The following TRANK1 variants were observed in gnomAD, a reference collection of about 807,000 sequenced individuals.
TRANK1 encodes the protein tetratricopeptide repeat and ankyrin repeat containing 1.
In TRANK1, 198 loss-of-function variants were observed where a neutral mutation model predicts 266.0. The observed-to-expected ratio is 0.74, with a 90% CI of 0.66 to 0.84. The LOEUF (loss-of-function observed/expected upper bound fraction) is 0.84, where lower values mean the gene tolerates loss of function less well. TRANK1 is among the 40% of genes least tolerant of loss of function. TRANK1 has a pLI of 0.00. For synonymous variants in TRANK1, 1,396 were observed against 1,384.1 expected, an observed-to-expected ratio of 1.01 and a Z score of -0.19; for missense variants, 3,326 against 3,634.6, an observed-to-expected ratio of 0.92 and a Z score of 2.18.
At chr3:36,829,543 C>G in intron 23 of TRANK1, 21 bp downstream of exon 23, 9 of 1,613,132 alleles carry the variant, frequency 5.6e-6, no homozygotes, top group Non-Finnish European at 7.6e-6. Flanking sequence ...GTTACCTGTC[C>G]CCACAATCAA....
intron 1 of TRANK1, among the ~76,000 whole-genome samples, chr3:36,934,239 A>G (rs974254381): frequency 6.6e-6 from 1 of 152,218 alleles, no homozygotes; most frequent in Non-Finnish European, 1.5e-5. Flanking sequence ...AGGAGGCTCC[A>G]GAGGGTTGCA....
chr3:36,869,391 A>C (rs2079273104), intron 9 of TRANK1, among the ~76,000 whole-genome samples: 2 of 152,256 alleles, frequency 1.3e-5, no homozygotes, highest in Non-Finnish European at 2.9e-5. Flanking sequence ...AGGAAGAGTC[A>C]AGGGAGAAAG....
rs75719820 is a variant in TRANK1, at chr3:36,934,992, G to A, written c.23+9795C>T. Among the ~76,000 whole-genome samples, 1,133 of 152,182 alleles carry A rather than the reference G, an allele frequency of 7.4e-3. 40 individuals are homozygous for A. The East Asian group carries it at 0.084, about 11-fold the overall frequency. ...GCCCACCCTCACCCAGCTCCAGCATGGCCTCTTCACCACAATCTGTAAGAC... is the reference window on the plus strand; with the variant it reads ...GCCCACCCTCACCCAGCTCCAGCATAGCCTCTTCACCACAATCTGTAAGAC... On this transcript the variant is annotated intron_variant, in intron 1 of 23. Coordinates refer to ENST00000645898, the MANE Select transcript of TRANK1 (RefSeq NM_001329998.2).
At chr3:36,925,929 G>T (rs1042849843) in intron 1 of TRANK1, among the ~76,000 whole-genome samples, 3 of 152,138 alleles carry the variant, frequency 2.0e-5, no homozygotes, top group African/African-American at 7.2e-5. Flanking sequence ...CAGTTCTACT[G>T]CAGGCTCTCA....
chr3:36,846,432 A>G (rs1172061060), intron 16 of TRANK1, 28 bp from the exon 17 acceptor site: 1 of 1,595,758 alleles, frequency 6.3e-7, no homozygotes, highest in African/African-American at 1.3e-5. Flanking sequence ...GACAAAGATG[A>G]TGAGCCATTT....
chr3:36,861,243 T>C, intron 10 of TRANK1, 83 bp from the exon 11 acceptor site: 3 of 1,437,036 alleles, frequency 2.1e-6, no homozygotes, highest in Middle Eastern at 2.1e-4. Flanking sequence ...AACATCCATA[T>C]ATAATTAACA....
chr3:36,869,835 C>T (rs2079280093), intron 9 of TRANK1, among the ~76,000 whole-genome samples: 1 of 152,262 alleles, frequency 6.6e-6, no homozygotes, highest in Non-Finnish European at 1.5e-5. Context: ...GCTCAACAGT[C>T]ACATGTGACG....
intron 2 of TRANK1, among the ~76,000 whole-genome samples, chr3:36,904,662 G>T (rs1210528377): frequency 6.6e-6 from 1 of 152,006 alleles, no homozygotes. Flanking sequence ...CCCCACCCTC[G>T]ATGTTTTGTG....
intron 9 of TRANK1, among the ~76,000 whole-genome samples, chr3:36,867,921 A>T (rs1285569902): frequency 6.6e-6 from 1 of 152,156 alleles, no homozygotes; most frequent in Non-Finnish European, 1.5e-5. Context: ...CTTTGCATGG[A>T]TTTTCTCTAA....
intron 9 of TRANK1, among the ~76,000 whole-genome samples, chr3:36,869,017 A>T (rs1575230503): frequency 6.6e-6 from 1 of 152,350 alleles, no homozygotes; most frequent in Non-Finnish European, 1.5e-5. Context: ...GCTGAGCAGC[A>T]ACATCAGGTA....
chr3:36,885,350 TGATA>T (rs774234674), intron 8 of TRANK1, among the ~76,000 whole-genome samples: 1 of 152,094 alleles, frequency 6.6e-6, no homozygotes, highest in Non-Finnish European at 1.5e-5. Flanking sequence ...AAACCAAAAT[TGATA>T]GATAGTCTAC....
chr3:36,938,048 G>T (rs749283257), intron 1 of TRANK1, among the ~76,000 whole-genome samples: 3 of 152,162 alleles, frequency 2.0e-5, no homozygotes, highest in Non-Finnish European at 1.5e-5. Context: ...AAACCCAGCA[G>T]AGAGGTGAAA....
At chr3:36,886,667 C>G (rs1017476021) in intron 8 of TRANK1, among the ~76,000 whole-genome samples, 2 of 151,854 alleles carry the variant, frequency 1.3e-5, no homozygotes, top group Non-Finnish European at 2.9e-5. Context: ...AATCCCAGCA[C>G]TTTGGGAGGC....
intron 9 of TRANK1, 46 bp from the exon 10 acceptor site, chr3:36,864,526 C>T (rs1248589405): frequency 6.8e-7 from 1 of 1,479,764 alleles, no homozygotes; most frequent in African/African-American, 1.4e-5. Flanking sequence ...GAAATTGCAG[C>T]TGTTACAGAT....
intron 18 of TRANK1, among the ~76,000 whole-genome samples, chr3:36,841,410 A>T (rs2078842380): frequency 6.6e-6 from 1 of 152,204 alleles, no homozygotes; most frequent in Non-Finnish European, 1.5e-5. Flanking sequence ...GCGGAACTCC[A>T]GGTGCCTGGG....
At chr3:36,890,030 A>G (rs2125602832) in intron 7 of TRANK1, 70 bp from the exon 8 acceptor site, 2 of 1,508,586 alleles carry the variant, frequency 1.3e-6, no homozygotes, top group Non-Finnish European at 1.8e-6. Context: ...ATTTGTGCAG[A>G]AGCAATAGAT....
At position 36,892,211 on chromosome 3, in the gene TRANK1, T is replaced by A; in HGVS notation, c.766A>T (p.Ile256Phe). The A allele has an allele frequency of 6.5e-7, 1 of 1,536,930 alleles. No individual in the cohort carries two copies. The highest frequency in any genetic ancestry group is 8.7e-7 in the Non-Finnish European group (1 of 1,146,774). ...CTGGGAGAAGACTCACTGGCTTGGATACAGAGTCGCATGAGGGCATGAAGG... is the reference window on the plus strand; with the variant it reads ...CTGGGAGAAGACTCACTGGCTTGGAAACAGAGTCGCATGAGGGCATGAAGG... ...YPLHALMRLC[I>F]QARENHLFRW... is the part of the protein sequence containing the mutation. Residue 256 changes from isoleucine (I) to phenylalanine (F), a missense_variant, in exon 7 of 24, where the codon ATC (isoleucine) becomes TTC (phenylalanine). Physicochemically the swap from Ile to Phe is conservative, Grantham distance 21. Coordinates refer to ENST00000645898, the MANE Select transcript of TRANK1 (RefSeq NM_001329998.2).
At position 36,831,733 on chromosome 3, in the gene TRANK1, C is replaced by A; in HGVS notation, c.7850G>T (p.Arg2617Leu). 6.2e-7 allele frequency: 1 copy of A among 1,613,982 alleles called. No individual in the cohort carries two copies. The highest frequency in any genetic ancestry group is 8.5e-7 in the Non-Finnish European group (1 of 1,179,890). ...VPERLLKVVK[R>L]VLVAVNVKSV... ...CTTCACATTGACTGCCACCAAGACC[C>A]GCTTCACCACCTTCAGGAGCCTCTC... is the stretch of plus-strand genomic sequence containing the variant. The change falls in exon 22 of 24, where the codon CGG (arginine) becomes CTG (leucine). Residue 2617 changes from arginine to leucine, a missense_variant. Coordinates refer to ENST00000645898, the MANE Select transcript of TRANK1 (RefSeq NM_001329998.2). The surrounding 1 kb of genome is among the most constrained non-coding windows in gnomAD (Gnocchi z 5.0).
chr3:36,829,748 C>A, intron 22 of TRANK1, 86 bp from the exon 23 acceptor site: 1 of 1,392,706 alleles, frequency 7.2e-7, no homozygotes, highest in Non-Finnish European at 1.0e-6. Flanking sequence ...GTCCCCACAT[C>A]CCAAGAGCTG....
Sources: gnomAD v4.1 joint callset for allele counts (sites outside exome capture counted in the v4.1 genomes callset) on GRCh38, gnomAD v4.1.1 for gene constraint, Gnocchi (gnomAD v3.1) non-coding constraint, MANE v1.5 for transcripts, NCBI Gene and HGNC (gene_info 2026-07-23, HGNC 2026-07-21) for gene names.